PCDHGB3: variants seen among roughly 807,000 people sequenced by gnomAD.
PCDHGB3 encodes the protein protocadherin gamma-B3.
In PCDHGB3, 40 loss-of-function variants were observed where a neutral mutation model predicts 59.2. The observed-to-expected ratio is 0.68, with a 90% confidence interval of 0.52 to 0.88. PCDHGB3 has a LOEUF of 0.88. PCDHGB3 is among the 40% of genes least tolerant of loss of function. The probability of loss-of-function intolerance (pLI) is 0.00; values close to 1 mark genes in which losing one functional copy is unlikely to be tolerated. For missense variants in PCDHGB3, 1,309 were observed against 1,187.9 expected (o/e 1.10, Z -1.50); for synonymous variants, 581 against 503.6 (o/e 1.15, Z -2.06).
rs376721940 is a variant in PCDHGB3, at chr5:141,410,147, G to A, written c.2415+37338G>A. 18 of 1,612,952 alleles carry A rather than the reference G, an allele frequency of 1.1e-5. No homozygotes were observed. The East Asian group carries it at 3.6e-4, about 32-fold the overall frequency. ...GCGCCTGCTGGTCGCTGTGCGTGAC[G>A]GTGGACAGCCGCCACTCTCTGCCAC... On this transcript the variant is annotated intron_variant, in intron 1 of 3. Transcript: ENST00000576222.
rs554661873 is a variant in PCDHGB3, at chr5:141,487,723, T to C, written c.2416-7084T>C. ...GCCTCTCAGTAAGTGCCCATAGTGATGTCACCATTTTTGTAAGAGGTAACT... is the reference window on the plus strand; with the variant it reads ...GCCTCTCAGTAAGTGCCCATAGTGACGTCACCATTTTTGTAAGAGGTAACT... On this transcript the variant is annotated intron_variant, in intron 1 of 3. Transcript: ENST00000576222. The surrounding 1 kb of genome is among the most constrained non-coding windows in gnomAD (Gnocchi z 5.0). The C allele has an allele frequency of 2.6e-5, 41 of 1,574,932 alleles. No homozygotes were observed. Among genetic ancestry groups the C allele is most frequent in the Non-Finnish European group, 5.2e-6 (6 of 1,158,382 alleles).
intron 1 of PCDHGB3, among the ~76,000 whole-genome samples, chr5:141,458,065 GA>G (rs541812590): frequency 3.5e-3 from 534 of 152,242 alleles, no homozygotes; most frequent in Middle Eastern, 6.8e-3. Context: ...GCACTGATGC[GA>G]ACAACTATAT....
At chr5:141,473,738 C>T (rs755682627) in intron 1 of PCDHGB3, among the ~76,000 whole-genome samples, 2 of 152,310 alleles carry the variant, frequency 1.3e-5, no homozygotes, top group Non-Finnish European at 2.9e-5. Flanking sequence ...AGGGAGAAGA[C>T]ATGAGAACTT....
intron 1 of PCDHGB3, chr5:141,394,218 G>C: frequency 6.2e-7 from 1 of 1,613,918 alleles, no homozygotes; most frequent in Non-Finnish European, 8.5e-7. Context: ...CCTGAGAGGA[G>C]CCTCCATCTT....
At position 141,371,567 on chromosome 5, in the gene PCDHGB3, C is replaced by T. The variant is rs1767853623; in HGVS notation, c.1173C>T (p.Pro391=). 2.5e-6 allele frequency: 4 copies of T among 1,613,906 alleles called. No individual in the cohort carries two copies. Among genetic ancestry groups the T allele is most frequent in the Non-Finnish European group, 3.4e-6 (4 of 1,179,826 alleles). The part of the protein sequence containing the change: ...EILCQLKGNF[P]FKIVQDTKNT... Reference sequence around the variant, plus strand: ...TATGCCAACTAAAAGGAAACTTCCCCTTTAAAATCGTTCAAGATACCAAAA... The same window carrying T: ...TATGCCAACTAAAAGGAAACTTCCCTTTTAAAATCGTTCAAGATACCAAAA... The change falls in exon 1 of 4, where the codon CCC becomes CCT. Residue 391 remains proline (P), a synonymous_variant. Coordinates refer to ENST00000576222, the MANE Select transcript of PCDHGB3 (RefSeq NM_018924.5).
chr5:141,399,213 T>C (rs2093770836), intron 1 of PCDHGB3: 1 of 1,613,852 alleles, frequency 6.2e-7, no homozygotes, highest in Non-Finnish European at 8.5e-7. Context: ...GAACACTAAT[T>C]GCTTTGATCA....
At position 141,410,026 on chromosome 5, in the gene PCDHGB3, G is replaced by A. The variant is rs571122351; in HGVS notation, c.2415+37217G>A. 37 of 1,613,302 alleles carry A rather than the reference G, an allele frequency of 2.3e-5. 2 individuals carry two copies. The East Asian group carries it at 8.0e-4, about 35-fold the overall frequency. On this transcript the variant is annotated intron_variant, in intron 1 of 3. Coordinates refer to ENST00000576222, the MANE Select transcript of PCDHGB3 (RefSeq NM_018924.5). ...ACAACGCCTGGCTGTCCTACCACGTGCTGCAGGCCAGTGAGCCCGGACTCT... is the reference window on the plus strand; with the variant it reads ...ACAACGCCTGGCTGTCCTACCACGTACTGCAGGCCAGTGAGCCCGGACTCT...
rs1467261705 is a variant in PCDHGB3, at chr5:141,417,640, C to G, written c.2415+44831C>G. 6.6e-6 allele frequency: 5 copies of G among 761,360 alleles called. No homozygotes were observed. The African/African-American group carries it at 8.8e-5, about 13-fold the overall frequency. 47.2% of individuals were successfully genotyped at this position (761,360 alleles called of 1,614,324 possible). A position where few individuals can be genotyped will look rare whatever the true frequency, so the allele number is the denominator to read the frequency against. On this transcript the variant is annotated intron_variant, in intron 1 of 3. Coordinates refer to ENST00000576222, the MANE Select transcript of PCDHGB3 (RefSeq NM_018924.5). ...AGAGCAAGCGCTGACGCCGGGGATC[C>G]CTCAGCCTCTAGCCTGGGATTCCCT...
intron 1 of PCDHGB3, chr5:141,400,544 A>G (rs1436586530): frequency 6.2e-7 from 1 of 1,613,568 alleles, no homozygotes; most frequent in Non-Finnish European, 8.5e-7. Flanking sequence ...ATTTATGTCT[A>G]TTCTTTTTCA....
intron 1 of PCDHGB3, chr5:141,421,647 G>A: frequency 6.2e-7 from 1 of 1,613,872 alleles, no homozygotes; most frequent in Non-Finnish European, 8.5e-7. Context: ...ACGAAGTGGA[G>A]ATAAAAGTCA....
intron 1 of PCDHGB3, chr5:141,383,579 A>G (rs756026538): frequency 6.2e-7 from 1 of 1,613,596 alleles, no homozygotes. Context: ...AGCACCGCCC[A>G]CATCCAGGTG....
chr5:141,399,631 T>A lies in PCDHGB3; in HGVS notation c.2415+26822T>A, dbSNP rs1251761184. On this transcript the variant is annotated intron_variant, in intron 1 of 3. Transcript: ENST00000576222. ...GCCTCTGGCACTGGCCTCTTACGTGTCCATGAGCGCGCAAAGTGGGGTGGT... is the reference window on the plus strand; with the variant it reads ...GCCTCTGGCACTGGCCTCTTACGTGACCATGAGCGCGCAAAGTGGGGTGGT... 31 of 1,613,746 alleles carry A rather than the reference T, an allele frequency of 1.9e-5. No homozygotes were observed. The highest frequency in any genetic ancestry group is 2.4e-5 in the Non-Finnish European group (28 of 1,179,892).
At position 141,490,027 on chromosome 5, in the gene PCDHGB3, C is replaced by T. The variant is rs767829552; in HGVS notation, c.2416-4780C>T. Reference sequence around the variant, plus strand: ...TGCACCCATTGGTACTCTGCTGCTCCGCCTCAATGCCACTGATCCAGACGA... The same window carrying T: ...TGCACCCATTGGTACTCTGCTGCTCTGCCTCAATGCCACTGATCCAGACGA... On this transcript the variant is annotated intron_variant, in intron 1 of 3. Coordinates refer to ENST00000576222, the MANE Select transcript of PCDHGB3 (RefSeq NM_018924.5). This position sits in a 1 kb window ranked among gnomAD's most constrained non-coding sequence, Gnocchi z 5.4. The T allele has an allele frequency of 2.4e-5, 39 of 1,614,096 alleles. No homozygotes were observed. The highest frequency in any genetic ancestry group is 4.0e-5 in the African/African-American group (3 of 74,942).
intron 1 of PCDHGB3, chr5:141,478,165 C>A: frequency 1.2e-6 from 2 of 1,614,038 alleles, no homozygotes; most frequent in Non-Finnish European, 1.7e-6. Context: ...GCTCTGCCCC[C>A]CGGGAGCAGA....
intron 1 of PCDHGB3, chr5:141,421,903 G>A (rs757656265): frequency 6.2e-6 from 10 of 1,613,704 alleles, no homozygotes; most frequent in African/African-American, 1.3e-5. Flanking sequence ...CCGAAAGGGC[G>A]CAGTTCCCAT....
rs373867677 is a variant in PCDHGB3 at position 141,432,049 on chromosome 5, G to A, written c.2415+59240G>A. The A allele has an allele frequency of 2.0e-5, 32 of 1,614,150 alleles. No individual in the cohort carries two copies. In the African/African-American group the frequency reaches 4.1e-4, roughly 21 times the overall value. ...TGACCGCCACTGACCGGGGAACCCC[G>A]CCCCTATCCACGGAAACTCATATCT... On this transcript the variant is annotated intron_variant, in intron 1 of 3. Coordinates refer to ENST00000576222, the MANE Select transcript of PCDHGB3 (RefSeq NM_018924.5). The surrounding 1 kb of genome is among the most constrained non-coding windows in gnomAD (Gnocchi z 6.0).
At chr5:141,457,631 G>C (rs540600166) in intron 1 of PCDHGB3, among the ~76,000 whole-genome samples, 1 of 152,282 alleles carries the variant, frequency 6.6e-6, no homozygotes, top group African/African-American at 2.4e-5. Flanking sequence ...TCTTATACTT[G>C]GCCTGATTAT....
At chr5:141,404,399 G>A in intron 1 of PCDHGB3, 2 of 1,613,896 alleles carry the variant, frequency 1.2e-6, no homozygotes, top group Non-Finnish European at 1.7e-6. Context: ...TGATAGCAAT[G>A]AGAATTCTAG....
intron 1 of PCDHGB3, among the ~76,000 whole-genome samples, chr5:141,470,451 T>C (rs2099230860): frequency 6.6e-6 from 1 of 152,210 alleles, no homozygotes; most frequent in Non-Finnish European, 1.5e-5. Context: ...AATAGCATCT[T>C]GAATAGGATT....
Sources: gnomAD v4.1 joint callset for allele counts (sites outside exome capture counted in the v4.1 genomes callset) on GRCh38, gnomAD v4.1.1 for gene constraint, Gnocchi (gnomAD v3.1) non-coding constraint, MANE v1.5 for transcripts, NCBI Gene and HGNC (gene_info 2026-07-23, HGNC 2026-07-21) for gene names.